ROBO2: variants seen among roughly 807,000 people sequenced by gnomAD.
ROBO2 encodes roundabout homolog 2.
ROBO2 carries 53 observed loss-of-function variants against 160.8 expected under a neutral mutation model. That is an observed-to-expected ratio of 0.33 (90% CI 0.26 to 0.41). ROBO2 has a LOEUF of 0.41. Ranked by LOEUF, ROBO2 falls within the 10% of genes least tolerant of loss-of-function variation. ROBO2 has a pLI of 1.00. For missense variants in ROBO2, 1,577 were observed against 1,722.4 expected, an observed-to-expected ratio of 0.92 and a Z score of 1.49; for synonymous variants, 664 against 611.7, an observed-to-expected ratio of 1.09 and a Z score of -1.26.
At chr3:76,975,829 C>G (rs2059790385) in intron 2 of ROBO2, among the ~76,000 whole-genome samples, 1 of 151,966 alleles carries the variant, frequency 6.6e-6, no homozygotes, top group African/African-American at 2.4e-5. Flanking sequence ...ACTTTCCAAA[C>G]TTTGTTTCTC....
intron 2 of ROBO2, among the ~76,000 whole-genome samples, chr3:76,589,935 G>T (rs2086306982): frequency 6.6e-6 from 1 of 152,126 alleles, no homozygotes. Flanking sequence ...AAGAATTTCT[G>T]ATCCTCCACC....
chr3:76,448,095 AAG>A (rs1252606855), intron 2 of ROBO2, among the ~76,000 whole-genome samples: 3 of 152,096 alleles, frequency 2.0e-5, no homozygotes, highest in African/African-American at 7.2e-5. Context: ...AAAACAAAAA[AAG>A]AAAAAACAAA....
intron 2 of ROBO2, among the ~76,000 whole-genome samples, chr3:76,599,305 A>G (rs2108918602): frequency 6.6e-6 from 1 of 152,290 alleles, no homozygotes; most frequent in Non-Finnish European, 1.5e-5. Context: ...GCTCCCACTT[A>G]AAAGTGAAAA....
chr3:76,287,590 G>A lies in ROBO2; in HGVS notation c.109+349988G>A, dbSNP rs754664218. On this transcript the variant is annotated intron_variant, in intron 2 of 26. Coordinates refer to the ROBO2 transcript ENST00000487694. ...GCCTGGATTACAGGCATGAGCCGCC[G>A]TGCCCGGCCCTTTTCTTAAGTGATT... Among the ~76,000 whole-genome samples, 7 of 152,150 alleles carry A rather than the reference G, an allele frequency of 4.6e-5. No homozygotes were observed. In the East Asian group the frequency reaches 5.8e-4, roughly 13 times the overall value.
At chr3:77,413,465 GC>G (rs749088419) in intron 2 of ROBO2, among the ~76,000 whole-genome samples, 1 of 152,162 alleles carries the variant, frequency 6.6e-6, no homozygotes, top group African/African-American at 2.4e-5. Flanking sequence ...TTGATGCTAA[GC>G]GAGACAGGAA....
chr3:76,119,677 G>C (rs993901853), intron 2 of ROBO2, among the ~76,000 whole-genome samples: 8 of 151,926 alleles, frequency 5.3e-5, no homozygotes, highest in African/African-American at 1.7e-4. Context: ...TTTAACATTT[G>C]TGAAATGTCA....
At chr3:76,435,295 C>T (rs1294023380) in intron 2 of ROBO2, 5 of 1,019,752 alleles carry the variant, frequency 4.9e-6, no homozygotes, top group Non-Finnish European at 4.7e-6. Context: ...ATAGTCAGTG[C>T]CAAATCTTCC....
intron 2 of ROBO2, among the ~76,000 whole-genome samples, chr3:77,121,237 G>A (rs1293185547): frequency 1.3e-5 from 2 of 152,172 alleles, no homozygotes; most frequent in South Asian, 4.2e-4. Flanking sequence ...GAGCCACCGA[G>A]CCCAGCCAAA....
chr3:77,455,326 T>C (rs1011006858), intron 2 of ROBO2, among the ~76,000 whole-genome samples: 2 of 152,206 alleles, frequency 1.3e-5, no homozygotes, highest in Non-Finnish European at 2.9e-5. Flanking sequence ...ATGAAAAGAA[T>C]GTATGGAAAC....
intron 2 of ROBO2, chr3:77,317,496 C>A (rs2064127816): frequency 6.7e-7 from 1 of 1,487,282 alleles, no homozygotes. Context: ...AAACTCCGAT[C>A]CATCCTCAGA....
chr3:77,332,172 C>T (rs56302985), intron 2 of ROBO2, among the ~76,000 whole-genome samples: 11,817 of 152,128 alleles, frequency 0.078, 609 homozygotes, highest in Non-Finnish European at 0.1. Flanking sequence ...TATTAATATA[C>T]GTAATGTATT....
chr3:76,468,246 T>C (rs549456311), intron 2 of ROBO2, among the ~76,000 whole-genome samples: 30 of 152,260 alleles, frequency 2.0e-4, no homozygotes, highest in Non-Finnish European at 3.5e-4. Flanking sequence ...GATTCAAATA[T>C]GGGAATTGAA....
chr3:76,999,153 TC>T (rs2061197710), intron 2 of ROBO2, among the ~76,000 whole-genome samples: 1 of 151,848 alleles, frequency 6.6e-6, no homozygotes, highest in Non-Finnish European at 1.5e-5. Flanking sequence ...AGAGAAGTTT[TC>T]CTTTTTTTTT....
intron 2 of ROBO2, among the ~76,000 whole-genome samples, chr3:77,119,373 T>C (rs2074521321): frequency 6.6e-6 from 1 of 152,212 alleles, no homozygotes; most frequent in Admixed American, 6.5e-5. Context: ...TATTATAACC[T>C]TACGGGACTA....
chr3:76,500,635 A>G (rs1166276516), intron 2 of ROBO2, among the ~76,000 whole-genome samples: 42 of 152,190 alleles, frequency 2.8e-4, no homozygotes, highest in Admixed American at 2.6e-3. Flanking sequence ...AAGCAGTCAC[A>G]TCAGTTTTTT....
intron 2 of ROBO2, among the ~76,000 whole-genome samples, chr3:76,192,748 C>G (rs1300212977): frequency 1.3e-5 from 2 of 152,060 alleles, no homozygotes; most frequent in East Asian, 3.9e-4. Context: ...TGTCACTATT[C>G]AATCACATTT....
chr3:77,234,852 T>C (rs1427970371), intron 2 of ROBO2, among the ~76,000 whole-genome samples: 2 of 152,138 alleles, frequency 1.3e-5, no homozygotes, highest in East Asian at 3.9e-4. Flanking sequence ...TGGTTATTGG[T>C]TGGGGACTTT....
chr3:76,962,202 G>C (rs1175073154), intron 2 of ROBO2, among the ~76,000 whole-genome samples: 1 of 152,110 alleles, frequency 6.6e-6, no homozygotes, highest in African/African-American at 2.4e-5. Flanking sequence ...GGGTGTGGTG[G>C]CAGGTGCCTG....
intron 2 of ROBO2, among the ~76,000 whole-genome samples, chr3:77,456,664 C>A (rs2081672136): frequency 6.6e-6 from 1 of 152,192 alleles, no homozygotes; most frequent in Non-Finnish European, 1.5e-5. Flanking sequence ...GCTGTTCTTC[C>A]TATGGGGATG....
Sources: allele counts gnomAD v4.1 joint callset (sites outside exome capture counted in the v4.1 genomes callset), GRCh38; gene constraint gnomAD v4.1.1; transcripts MANE v1.5; gene names NCBI Gene and HGNC (gene_info 2026-07-23, HGNC 2026-07-21).